ADH4: variants seen among roughly 807,000 people sequenced by gnomAD.
The protein encoded by ADH4 is all-trans-retinol dehydrogenase [NAD(+)] ADH4.
Under a neutral mutation model 35.2 loss-of-function variants are expected in ADH4, and 31 were observed. The ratio of observed to expected loss-of-function variants is 0.88; its 90% CI spans 0.66 to 1.19. The LOEUF (loss-of-function observed/expected upper bound fraction) is 1.19, where lower values mean the gene tolerates loss of function less well. ADH4 is among the 50% of genes most tolerant of loss of function. The probability of loss-of-function intolerance (pLI) is 0.00; values close to 1 mark genes in which losing one functional copy is unlikely to be tolerated. For synonymous variants in ADH4, 171 were observed against 160.2 expected (o/e 1.07, Z -0.51); for missense variants, 476 against 458.3 (o/e 1.04, Z -0.35).
chr4:99,126,614 G>A lies in ADH4; in HGVS notation c.1098C>T (p.Asp366=), dbSNP rs1317301741. ...TGTACCTTTTTCCTTGGTTCATTAG[G>A]TCAAATGCCTCACTGATTTTGTCAA... ...LPFDKISEAF[D]LMNQGKSVRT... Residue 366 remains aspartate (D), a synonymous_variant, in exon 8 of 9, where the codon GAC becomes GAT. Coordinates refer to ENST00000265512, the MANE Select transcript of ADH4 (RefSeq NM_000670.5). The A allele has an allele frequency of 1.2e-6, 2 of 1,607,756 alleles. No homozygotes were observed. Among genetic ancestry groups the A allele is most frequent in the Non-Finnish European group, 1.7e-6 (2 of 1,175,620 alleles).
intron 8 of ADH4, among the ~76,000 whole-genome samples, chr4:99,124,754 G>A (rs1208350838): frequency 6.6e-6 from 1 of 152,162 alleles, no homozygotes; most frequent in Non-Finnish European, 1.5e-5. Flanking sequence ...ACCAAGGAGG[G>A]AGTCAGGTTT....
rs1298695931 is a variant in ADH4 at position 99,126,699 on chromosome 4, A to C, written c.1013T>G (p.Val338Gly). The C allele has an allele frequency of 1.6e-5, 26 of 1,611,464 alleles. No homozygotes were observed. In the Admixed American group the frequency reaches 4.3e-4, roughly 27 times the overall value. The change falls in exon 8 of 9, where the codon GTC becomes GGC. Residue 338 changes from valine (V) to glycine (G), a missense_variant. By Grantham distance (109) the Val-to-Gly change is moderately radical (BLOSUM62 -3). Transcript: ENST00000265512. The part of the protein sequence containing the change: ...WKSVDSIPKL[V>G]TDYKNKKFNL... ...GAATTTCTTATTCTTATAGTCAGTG[A>C]CCAGCTTTGGGATAGAATCTACACT...
At position 99,142,789 on chromosome 4, in the gene ADH4, G is replaced by C. The variant is rs1729672779; in HGVS notation, c.19-9C>G. 3 of 1,591,246 alleles carry C rather than the reference G, an allele frequency of 1.9e-6. No homozygotes were observed. In the Admixed American group the frequency reaches 5.3e-5, roughly 28 times the overall value. The stretch of plus-strand genomic sequence containing the variant: ...GCTTTGCATTTAATAACCTGAAAGA[G>C]AGAAAGAAAAGGAAGAGGGAGATAG... On this transcript the variant is annotated splice_polypyrimidine_tract_variant and intron_variant, in intron 1 of 8. Coordinates refer to ENST00000265512, the MANE Select transcript of ADH4 (RefSeq NM_000670.5).
At position 99,144,215 on chromosome 4, in the gene ADH4, G is replaced by A; in HGVS notation, c.8C>T (p.Thr3Ile). 1 of 1,613,722 alleles carries A rather than the reference G, an allele frequency of 6.2e-7. No homozygotes were observed. Among genetic ancestry groups the A allele is most frequent in the Non-Finnish European group, 8.5e-7 (1 of 1,179,714 alleles). ...AGCTTACTTGCTTACTTTGCCCTTG[G>A]TGCCCATTTTTCTTTGGGAAACTGT... is the stretch of plus-strand genomic sequence containing the variant. MG[T>I]KGKVIKCKAA... The change falls in exon 1 of 9, where the codon ACC (threonine) becomes ATC (isoleucine). Residue 3 changes from threonine (T) to isoleucine (I), a missense_variant. Transcript: ENST00000265512.
In ADH4 at chr4:99,124,320, C is replaced by A; in HGVS notation, c.*122G>T. The A allele has an allele frequency of 1.5e-6, 1 of 678,824 alleles. No individual in the cohort carries two copies. Among genetic ancestry groups the A allele is most frequent in the Non-Finnish European group, 2.5e-6 (1 of 393,312 alleles). 42.1% of individuals were successfully genotyped at this position (678,824 alleles called of 1,614,324 possible). On this transcript the variant is annotated 3_prime_UTR_variant, in exon 9 of 9. Transcript: ENST00000265512. ...TAATATTTAAAGCTCTTTTATGTTCCCATATTAAATGTAAATATTTGTTTA... is the reference window on the plus strand; with the variant it reads ...TAATATTTAAAGCTCTTTTATGTTCACATATTAAATGTAAATATTTGTTTA...
intron 1 of ADH4, 189 bp from the exon 2 acceptor site, chr4:99,142,969 T>G (rs953670147): frequency 6.1e-5 from 38 of 623,080 alleles, no homozygotes; most frequent in African/African-American, 5.5e-4. Context: ...TAAAGAAAAA[T>G]AAGAAGTTAA....
chr4:99,143,845 T>C (rs1195093314), intron 1 of ADH4, among the ~76,000 whole-genome samples: 1 of 152,212 alleles, frequency 6.6e-6, no homozygotes, highest in Admixed American at 6.5e-5. Context: ...ACATTGTCCA[T>C]AGTATTTTGT....
Position 99,126,595 on chromosome 4 carries a change from T to C in ADH4, c.1117A>G (p.Ser373Gly), listed in dbSNP as rs1262598878. Residue 373 changes from serine to glycine, a missense_variant and splice_region_variant, in exon 8 of 9, where the codon AGC becomes GGC. Coordinates refer to ENST00000265512, the MANE Select transcript of ADH4 (RefSeq NM_000670.5). Reference protein sequence around the residue: ...EAFDLMNQGKSVRTILIF With the variant: ...EAFDLMNQGKGVRTILIF ...TTCAGTCATCTATTAGTAATGTACCTTTTTCCTTGGTTCATTAGGTCAAAT... is the reference window on the plus strand; with the variant it reads ...TTCAGTCATCTATTAGTAATGTACCCTTTTCCTTGGTTCATTAGGTCAAAT... 1 of 1,600,610 alleles carries C rather than the reference T, an allele frequency of 6.2e-7. No homozygotes were observed.
At chr4:99,129,008 C>T (rs1043903369) in intron 6 of ADH4, among the ~76,000 whole-genome samples, 3 of 152,010 alleles carry the variant, frequency 2.0e-5, no homozygotes, top group Non-Finnish European at 4.4e-5. Flanking sequence ...CCATGTTGCC[C>T]AGGCTGCTCT....
rs564645207 is a variant in ADH4 at position 99,126,789 on chromosome 4, A to T, written c.980-57T>A. 3.6e-5 allele frequency: 54 copies of T among 1,497,160 alleles called. No individual in the cohort carries two copies. In the African/African-American group the frequency reaches 6.0e-4, roughly 17 times the overall value. The allele number at this position is 1,497,160 out of a possible 1,614,324, so 92.7% of individuals were successfully genotyped here. A position where few individuals can be genotyped will look rare whatever the true frequency, so the allele number is the denominator to read the frequency against. ...ATGGCACTTGACACGAAGTAGTTTA[A>T]TCAGCATTTGCTGAATGAATGAAAT... On this transcript the variant is annotated intron_variant, in intron 7 of 8. Coordinates refer to ENST00000265512, the MANE Select transcript of ADH4 (RefSeq NM_000670.5).
chr4:99,142,707 G>A lies in ADH4; in HGVS notation c.92C>T (p.Pro31Leu). The change falls in exon 2 of 9, where the codon CCC (proline) becomes CTC (leucine). Residue 31 changes from proline to leucine, a missense_variant. Physicochemically the swap from Pro to Leu is moderately conservative, Grantham distance 98. Transcript: ENST00000265512. ...AATGCGAACTTCATGAGCCTTGGGG[G>A]GAGCTACTTCAACCTCTTCAATGCA... is the stretch of plus-strand genomic sequence containing the variant. ...PLCIEEVEVA[P>L]PKAHEVRIQI... 1 of 1,600,612 alleles carries A rather than the reference G, an allele frequency of 6.2e-7. No homozygotes were observed. The highest frequency in any genetic ancestry group is 1.3e-5 in the African/African-American group (1 of 74,246).
At position 99,126,612 on chromosome 4, in the gene ADH4, A is replaced by G; in HGVS notation, c.1100T>C (p.Leu367Pro). 6.2e-7 allele frequency: 1 copy of G among 1,607,462 alleles called. No homozygotes were observed. The highest frequency in any genetic ancestry group is 1.7e-4 in the Middle Eastern group (1 of 6,032). ...PFDKISEAFD[L>P]MNQGKSVRTI... ...AATGTACCTTTTTCCTTGGTTCATTAGGTCAAATGCCTCACTGATTTTGTC... is the reference window on the plus strand; with the variant it reads ...AATGTACCTTTTTCCTTGGTTCATTGGGTCAAATGCCTCACTGATTTTGTC... Residue 367 changes from leucine to proline, a missense_variant, in exon 8 of 9, where the codon CTA (leucine) becomes CCA (proline). Leu to Pro is a moderately conservative substitution (Grantham distance 98). Transcript: ENST00000265512.
intron 5 of ADH4, among the ~76,000 whole-genome samples, chr4:99,134,874 T>G (rs746084621): frequency 6.6e-6 from 1 of 151,160 alleles, no homozygotes; most frequent in Non-Finnish European, 1.5e-5. Context: ...TGACTTTGTT[T>G]CCTTGACACT....
intron 1 of ADH4, chr4:99,143,381 T>C (rs1360334681): frequency 2.1e-6 from 1 of 483,622 alleles, no homozygotes; most frequent in Non-Finnish European, 3.7e-6. Context: ...TAAATTTATC[T>C]GTAGGATATA....
In ADH4 at chr4:99,133,950, A is replaced by C. The variant is rs1729360418; in HGVS notation, c.583-2186T>G. ...GATGAATAGATAAGAAAAATATGAT[A>C]TGTATATACACAATGGAGTACTAAT... On this transcript the variant is annotated intron_variant, in intron 5 of 8. Coordinates refer to ENST00000265512, the MANE Select transcript of ADH4 (RefSeq NM_000670.5). The C allele has an allele frequency of 2.6e-5, 4 of 152,218 alleles. No individual in the cohort carries two copies. In the South Asian group the frequency reaches 8.3e-4, roughly 31 times the overall value. The allele number at this position is 152,218 out of a possible 1,614,324, so 9.4% of individuals were successfully genotyped here.
At chr4:99,124,629 G>C (rs1239705167) in intron 8 of ADH4, among the ~76,000 whole-genome samples, 163 bp from the exon 9 acceptor site, 1 of 152,084 alleles carries the variant, frequency 6.6e-6, no homozygotes, top group East Asian at 1.9e-4. Context: ...TTCCATTCAT[G>C]GTGTTAATAA....
rs964350068 is a variant in ADH4 at position 99,139,069 on chromosome 4, C to T, written c.342G>A (p.Gly114=). 5.6e-6 allele frequency: 9 copies of T among 1,611,650 alleles called. No individual in the cohort carries two copies. The highest frequency in any genetic ancestry group is 7.6e-6 in the Non-Finnish European group (9 of 1,178,426). ...FCLSPLTNLC[G]KISNLKSPAS... ...CAGTGTAGAGTGCTTACCTGATTTT[C>T]CCACACAAATTTGTGAGTGGACTCA... The change falls in exon 4 of 9, where the codon GGG becomes GGA. Residue 114 remains glycine (G), a synonymous_variant. Coordinates refer to ENST00000265512, the MANE Select transcript of ADH4 (RefSeq NM_000670.5).
At position 99,144,281 on chromosome 4, in the gene ADH4, T is replaced by A; in HGVS notation, c.-59A>T. On this transcript the variant is annotated 5_prime_UTR_variant, in exon 1 of 9. Transcript: ENST00000265512. Reference sequence around the variant, plus strand: ...CTGAGTTAAGAAAGCTTCAAACTCCTACCCAGGGAGTTCCGTGTCCTATAA... The same window carrying A: ...CTGAGTTAAGAAAGCTTCAAACTCCAACCCAGGGAGTTCCGTGTCCTATAA... 1 of 1,529,954 alleles carries A rather than the reference T, an allele frequency of 6.5e-7. No individual in the cohort carries two copies. 94.8% of individuals were successfully genotyped at this position (1,529,954 alleles called of 1,614,324 possible).
At chr4:99,133,923 T>C (rs541577679) in intron 5 of ADH4, 2 of 152,276 alleles carry the variant, frequency 1.3e-5, no homozygotes, top group African/African-American at 2.4e-5. Context: ...GCTCCACAAA[T>C]AGATGAATAG....
Sources: allele counts gnomAD v4.1 joint callset (sites outside exome capture counted in the v4.1 genomes callset), GRCh38; gene constraint gnomAD v4.1.1; transcripts MANE v1.5; gene names NCBI Gene and HGNC (gene_info 2026-07-23, HGNC 2026-07-21).